SIPA1L2: variants seen among roughly 807,000 people sequenced by gnomAD.
The protein encoded by SIPA1L2 is signal-induced proliferation-associated 1-like protein 2.
In SIPA1L2, 56 loss-of-function variants were observed where a neutral mutation model predicts 163.9. The observed-to-expected ratio is 0.34, with a 90% confidence interval of 0.28 to 0.43. SIPA1L2 has a LOEUF of 0.43. Ranked by LOEUF, SIPA1L2 falls within the 20% of genes least tolerant of loss-of-function variation. The pLI, the probability that SIPA1L2 is intolerant of heterozygous loss-of-function variation, is 1.00. For synonymous variants in SIPA1L2, 877 were observed against 865.7 expected (o/e 1.01, Z -0.23); for missense variants, 1,974 against 2,193.5 (o/e 0.90, Z 2.00).
At chr1:232,620,636 C>T (rs1175837546) in intron 1 of SIPA1L2, among the ~76,000 whole-genome samples, 2 of 152,202 alleles carry the variant, frequency 1.3e-5, no homozygotes, top group South Asian at 4.1e-4. Context: ...TCAGACATCA[C>T]CCAGATTTAA....
chr1:232,430,466 G>A (rs1401240304), intron 16 of SIPA1L2, among the ~76,000 whole-genome samples: 8 of 152,228 alleles, frequency 5.3e-5, no homozygotes, highest in African/African-American at 1.9e-4. Context: ...AACTTCTGGA[G>A]AGCACAACTG....
intron 18 of SIPA1L2, among the ~76,000 whole-genome samples, chr1:232,417,960 C>A (rs1182209523): frequency 2.6e-5 from 4 of 152,308 alleles, no homozygotes; most frequent in Non-Finnish European, 5.9e-5. Flanking sequence ...GGAGGGGAAG[C>A]ATCAGGGAGC....
At chr1:232,607,174 A>C (rs558521489) in intron 1 of SIPA1L2, among the ~76,000 whole-genome samples, 1 of 150,058 alleles carries the variant, frequency 6.7e-6, no homozygotes, top group Admixed American at 6.8e-5. Flanking sequence ...CAAAAAGAAA[A>C]TGATAATTAC....
chr1:232,590,677 C>T (rs1435630990), intron 1 of SIPA1L2, among the ~76,000 whole-genome samples: 5 of 152,104 alleles, frequency 3.3e-5, no homozygotes, highest in African/African-American at 9.7e-5. Flanking sequence ...TAGTTCCATC[C>T]CTGCATTCCT....
intron 9 of SIPA1L2, 133 bp downstream of exon 9, chr1:232,464,707 G>T: frequency 1.4e-6 from 1 of 721,956 alleles, no homozygotes; most frequent in Non-Finnish European, 2.2e-6. Context: ...TTAAAATTAA[G>T]CTCTGTATCT....
intron 21 of SIPA1L2, among the ~76,000 whole-genome samples, chr1:232,403,055 G>T (rs946261488): frequency 2.0e-5 from 3 of 152,226 alleles, no homozygotes; most frequent in African/African-American, 7.2e-5. Context: ...CCATGCCCTG[G>T]GCTGGTGAGC....
intron 1 of SIPA1L2, among the ~76,000 whole-genome samples, chr1:232,627,359 T>C (rs763057116): frequency 1.5e-4 from 23 of 152,196 alleles, no homozygotes; most frequent in Non-Finnish European, 2.6e-4. Context: ...CAACTGGTTT[T>C]TCAGGGTAGC....
At chr1:232,474,871 C>T (rs1450651428) in intron 7 of SIPA1L2, among the ~76,000 whole-genome samples, 1 of 152,130 alleles carries the variant, frequency 6.6e-6, no homozygotes, top group Non-Finnish European at 1.5e-5. Context: ...CTGAATTAGA[C>T]AGTATCTGCT....
At chr1:232,610,173 T>C (rs533680947) in intron 1 of SIPA1L2, among the ~76,000 whole-genome samples, 2 of 152,308 alleles carry the variant, frequency 1.3e-5, no homozygotes, top group South Asian at 4.1e-4. Context: ...GGTTTTAAAA[T>C]GTTGTACTGT....
chr1:232,544,779 T>A lies in SIPA1L2; in HGVS notation c.-269-29171A>T, dbSNP rs145698839. On this transcript the variant is annotated intron_variant, in intron 2 of 22. Coordinates refer to ENST00000674635, the MANE Select transcript of SIPA1L2 (RefSeq NM_020808.5). ...TAACGCACAACACAGCCAAGTCTTCTTGCACAAAAAGACAGATAAGCACCA... is the reference window on the plus strand; with the variant it reads ...TAACGCACAACACAGCCAAGTCTTCATGCACAAAAAGACAGATAAGCACCA... Among the ~76,000 whole-genome samples the A allele has an allele frequency of 4.7e-3, 709 of 152,312 alleles. 4 individuals carry two copies. Among genetic ancestry groups the A allele is most frequent in the African/African-American group, 0.015 (644 of 41,560 alleles).
At chr1:232,546,489 C>T (rs1658038985) in intron 2 of SIPA1L2, among the ~76,000 whole-genome samples, 1 of 152,174 alleles carries the variant, frequency 6.6e-6, no homozygotes, top group African/African-American at 2.4e-5. Flanking sequence ...ACCAATGGCA[C>T]TAAATGATGG....
At chr1:232,591,397 G>A (rs1019300071) in intron 1 of SIPA1L2, among the ~76,000 whole-genome samples, 4 of 152,214 alleles carry the variant, frequency 2.6e-5, no homozygotes, top group Admixed American at 6.5e-5. Flanking sequence ...GTACTGTGCT[G>A]CCCATTACCT....
At chr1:232,553,693 T>C (rs868210211) in intron 2 of SIPA1L2, among the ~76,000 whole-genome samples, 25 of 152,302 alleles carry the variant, frequency 1.6e-4, no homozygotes, top group South Asian at 4.1e-4. Flanking sequence ...CCATTTAATG[T>C]TTTCTTCTCC....
intron 11 of SIPA1L2, 99 bp from the exon 12 acceptor site, chr1:232,443,784 G>A: frequency 1.1e-6 from 1 of 908,970 alleles, no homozygotes; most frequent in Non-Finnish European, 1.6e-6. Flanking sequence ...CTTTGAGAAT[G>A]ACAAAGAAAA....
intron 2 of SIPA1L2, among the ~76,000 whole-genome samples, chr1:232,539,754 T>C (rs1212463413): frequency 6.6e-6 from 1 of 152,174 alleles, no homozygotes; most frequent in Admixed American, 6.5e-5. Flanking sequence ...GGCCAGCCTC[T>C]TTCTACCACG....
intron 2 of SIPA1L2, among the ~76,000 whole-genome samples, chr1:232,558,287 T>C (rs1023731005): frequency 6.6e-6 from 1 of 152,184 alleles, no homozygotes; most frequent in African/African-American, 2.4e-5. Context: ...GAGGAAATTT[T>C]GGCATCCAGA....
At chr1:232,619,296 G>A (rs1662670007) in intron 1 of SIPA1L2, among the ~76,000 whole-genome samples, 1 of 152,140 alleles carries the variant, frequency 6.6e-6, no homozygotes, top group African/African-American at 2.4e-5. Context: ...CTTATTCTCA[G>A]CTAACCACAC....
chr1:232,513,282 G>T (rs1667065450), intron 3 of SIPA1L2, among the ~76,000 whole-genome samples: 1 of 152,058 alleles, frequency 6.6e-6, no homozygotes, highest in African/African-American at 2.4e-5. Context: ...ATTTGACATA[G>T]AATTAAATAA....
chr1:232,426,249 G>A (rs1661889966), intron 17 of SIPA1L2, among the ~76,000 whole-genome samples: 1 of 152,044 alleles, frequency 6.6e-6, no homozygotes, highest in South Asian at 2.1e-4. Context: ...CTACATGTGA[G>A]GTTCAATCTA....
Sources: gnomAD v4.1 joint callset for allele counts (sites outside exome capture counted in the v4.1 genomes callset) on GRCh38, gnomAD v4.1.1 for gene constraint, MANE v1.5 for transcripts, NCBI Gene and HGNC (gene_info 2026-07-23, HGNC 2026-07-21) for gene names.